PPEF1: variants seen among roughly 807,000 people sequenced by gnomAD.
PPEF1 encodes protein phosphatase with EF-hand domain 1.
In PPEF1, 12 loss-of-function variants were observed where a neutral mutation model predicts 53.3. The ratio of observed to expected loss-of-function variants is 0.23; its 90% CI spans 0.14 to 0.36. The LOEUF is 0.36. Among genes scored for constraint, PPEF1 ranks in the 10% least tolerant of loss-of-function variants. The probability of loss-of-function intolerance (pLI) is 1.00; values close to 1 mark genes in which losing one functional copy is unlikely to be tolerated. For synonymous variants in PPEF1, 165 were observed against 176.7 expected (o/e 0.93, Z 0.52); for missense variants, 334 against 490.4 (o/e 0.68, Z 3.01).
intron 1 of PPEF1, among the ~76,000 whole-genome samples, chrX:18,683,802 C>G (rs889163214): frequency 1.8e-5 from 2 of 111,986 alleles, no homozygotes; most frequent in Non-Finnish European, 3.8e-5. Context: ...GCATCACTTT[C>G]TGTCGTGATT....
chrX:18,810,509 C>G (rs1224191529), intron 12 of PPEF1, among the ~76,000 whole-genome samples: 2 of 111,805 alleles, frequency 1.8e-5, no homozygotes, highest in Non-Finnish European at 3.8e-5. Flanking sequence ...AACTCATACC[C>G]ACTGAGCAGT....
At chrX:18,747,775 G>A (rs1004458569) in intron 3 of PPEF1, among the ~76,000 whole-genome samples, 2 of 112,169 alleles carry the variant, frequency 1.8e-5, no homozygotes, top group South Asian at 3.7e-4. Context: ...TTTACCATGC[G>A]TTCCATATTC....
At chrX:18,684,729 C>T (rs895755948) in exon 2 of PPEF1, among the ~76,000 whole-genome samples, 5 of 109,892 alleles carry the variant, frequency 4.5e-5, no homozygotes, top group Admixed American at 9.7e-5. Flanking sequence ...CGGGTTCAAG[C>T]GATTCTCCTG....
chrX:18,730,873 C>T (rs1381134002), intron 2 of PPEF1, among the ~76,000 whole-genome samples: 1 of 110,634 alleles, frequency 9.0e-6, no homozygotes, highest in Non-Finnish European at 1.9e-5. Flanking sequence ...CACCACCACA[C>T]CCAGCTAATT....
chrX:18,757,387 A>G (rs1157881232), intron 4 of PPEF1, among the ~76,000 whole-genome samples: 2 of 108,693 alleles, frequency 1.8e-5, no homozygotes, highest in Non-Finnish European at 1.9e-5. Context: ...GCCTCCCTTC[A>G]CTTCTCTTGG....
chrX:18,809,088 ATTATATC>A (rs1470952716), intron 12 of PPEF1, among the ~76,000 whole-genome samples: 2 of 80,950 alleles, frequency 2.5e-5, no homozygotes, highest in Non-Finnish European at 4.6e-5. Flanking sequence ...GATATATCAC[ATTATATC>A]TATCTATCTA....
At chrX:18,698,848 G>A (rs1388021892) in intron 5 of PPEF1, among the ~76,000 whole-genome samples, 1 of 111,635 alleles carries the variant, frequency 9.0e-6, no homozygotes, top group Non-Finnish European at 1.9e-5. Context: ...TTCCCTTTAG[G>A]ATTTCACATG....
At chrX:18,684,176 T>C (rs775259136) in intron 1 of PPEF1, among the ~76,000 whole-genome samples, 1 of 111,697 alleles carries the variant, frequency 9.0e-6, no homozygotes, top group African/African-American at 3.3e-5. Context: ...TGTTGGGTAG[T>C]GCGGGAGCTT....
chrX:18,725,175 C>G (rs1362193513), intron 1 of PPEF1, among the ~76,000 whole-genome samples: 1 of 111,106 alleles, frequency 9.0e-6, no homozygotes, highest in African/African-American at 3.3e-5. Flanking sequence ...GAGATGAGCT[C>G]ATCGGGCAGG....
At chrX:18,814,975 G>A (rs1469390674) in intron 12 of PPEF1, among the ~76,000 whole-genome samples, 2 of 111,633 alleles carry the variant, frequency 1.8e-5, no homozygotes, top group Non-Finnish European at 3.8e-5. Context: ...ACAGTTTGAG[G>A]TCTTACATTT....
chrX:18,750,797 A>G (rs1429997020), intron 4 of PPEF1, among the ~76,000 whole-genome samples: 7 of 111,426 alleles, frequency 6.3e-5, no homozygotes, highest in African/African-American at 9.8e-5. Context: ...CCAGCAATCT[A>G]TCTTCCCATG....
chrX:18,707,834 C>A lies in PPEF1; in HGVS notation c.46+8C>A. Reference sequence around the variant, plus strand: ...CCAGGAGATCTGACACATGTGAGTACTGGGAATGTGCCTGTGGTTATGAAT... The same window carrying A: ...CCAGGAGATCTGACACATGTGAGTAATGGGAATGTGCCTGTGGTTATGAAT... On this transcript the variant is annotated splice_region_variant and intron_variant, in intron 1 of 15. Coordinates refer to ENST00000470157, the MANE Select transcript of PPEF1 (RefSeq NM_001377996.1). The A allele has an allele frequency of 8.3e-7, 1 of 1,202,263 alleles. No individual in the cohort carries two copies. Among genetic ancestry groups the A allele is most frequent in the Non-Finnish European group, 1.1e-6 (1 of 887,119 alleles).
chrX:18,706,645 C>A (rs1460377751), upstream of PPEF1, among the ~76,000 whole-genome samples: 2 of 109,348 alleles, frequency 1.8e-5, no homozygotes, highest in Non-Finnish European at 3.8e-5. Context: ...ACTAGGGAGG[C>A]TGAGGCGGGA....
intron 3 of PPEF1, among the ~76,000 whole-genome samples, chrX:18,744,421 C>T (rs1394129341): frequency 9.0e-6 from 1 of 111,365 alleles, no homozygotes; most frequent in Non-Finnish European, 1.9e-5. Flanking sequence ...AGCTCAAAAC[C>T]AGTGCATAGG....
chrX:18,727,815 C>T (rs988324250), intron 1 of PPEF1, among the ~76,000 whole-genome samples: 3 of 111,399 alleles, frequency 2.7e-5, no homozygotes, highest in Non-Finnish European at 5.7e-5. Context: ...GGAAACACTT[C>T]CTTACATTTA....
intron 4 of PPEF1, among the ~76,000 whole-genome samples, chrX:18,693,908 A>C (rs1039097941): frequency 6.3e-5 from 7 of 111,607 alleles, no homozygotes; most frequent in Non-Finnish European, 1.1e-4. Context: ...TAGCATAACC[A>C]CCATCATCAT....
At chrX:18,776,793 G>A (rs960602647) in intron 6 of PPEF1, among the ~76,000 whole-genome samples, 5 of 111,280 alleles carry the variant, frequency 4.5e-5, no homozygotes, top group African/African-American at 1.6e-4. Context: ...GGTGGCAGGT[G>A]CCTGTAATCC....
intron 3 of PPEF1, among the ~76,000 whole-genome samples, chrX:18,689,389 G>C: frequency 9.4e-6 from 1 of 106,917 alleles, no homozygotes; most frequent in East Asian, 3.0e-4. Context: ...GGTTGAGTGA[G>C]GAGGATGACT....
chrX:18,734,959 A>G (rs1455967782), intron 3 of PPEF1, among the ~76,000 whole-genome samples: 1 of 111,913 alleles, frequency 8.9e-6, no homozygotes, highest in East Asian at 2.8e-4. Flanking sequence ...TCCTTTGCCC[A>G]CTTTTTGATG....
Sources: gnomAD v4.1 joint callset for allele counts (sites outside exome capture counted in the v4.1 genomes callset) on GRCh38, gnomAD v4.1.1 for gene constraint, MANE v1.5 for transcripts, NCBI Gene and HGNC (gene_info 2026-07-23, HGNC 2026-07-21) for gene names.